Variants in BAZ2B observed in about 807,000 individuals in gnomAD.
The protein encoded by BAZ2B is bromodomain adjacent to zinc finger domain 2B, also known as bromodomain adjacent to zinc finger domain protein 2B.
In BAZ2B, 91 loss-of-function variants were observed where a neutral mutation model predicts 246.0. The observed-to-expected ratio is 0.37, with a 90% confidence interval of 0.31 to 0.44. BAZ2B has a LOEUF of 0.44. Among genes scored for constraint, BAZ2B ranks in the 20% least tolerant of loss-of-function variants. BAZ2B has a pLI of 1.00. For synonymous variants in BAZ2B, 855 were observed against 860.0 expected, an observed-to-expected ratio of 0.99 and a Z score of 0.10; for missense variants, 2,332 against 2,533.7, an observed-to-expected ratio of 0.92 and a Z score of 1.71.
intron 1 of BAZ2B, among the ~76,000 whole-genome samples, chr2:159,587,966 G>A (rs771691478): frequency 1.3e-4 from 20 of 152,178 alleles, no homozygotes; most frequent in Middle Eastern, 3.4e-3. Context: ...CAGTGTGAGC[G>A]TACCGCTTGA....
chr2:159,536,532 T>C (rs1472280110), intron 2 of BAZ2B, among the ~76,000 whole-genome samples: 1 of 152,206 alleles, frequency 6.6e-6, no homozygotes, highest in Non-Finnish European at 1.5e-5. Context: ...GATCAGAGTG[T>C]TCAATCCCTG....
intron 3 of BAZ2B, among the ~76,000 whole-genome samples, chr2:159,470,529 G>T (rs148307345): frequency 6.6e-6 from 1 of 152,292 alleles, no homozygotes; most frequent in Admixed American, 6.5e-5. Context: ...GTTCTGAGAG[G>T]AACAGATAAA....
At position 159,398,878 on chromosome 2, in the gene BAZ2B, T is replaced by C. The variant is rs763536132; in HGVS notation, c.2915A>G (p.Lys972Arg). The part of the protein sequence containing the change: ...QQILEAKKKK[K>R]EEAANAKLLE... ...TAATTTGGCATTTGCCGCTTCTTCC[T>C]TCTTTTTCTTTTTAGCCTGTGCATG... Residue 972 changes from lysine to arginine, a missense_variant, in exon 18 of 37, where the codon AAG (lysine) becomes AGG (arginine). By Grantham distance (26) the Lys-to-Arg change is conservative. Coordinates refer to ENST00000392783, the MANE Select transcript of BAZ2B (RefSeq NM_013450.4). 1.2e-5 allele frequency: 20 copies of C among 1,610,740 alleles called. No individual in the cohort carries two copies. In the African/African-American group the frequency reaches 2.5e-4, roughly 20 times the overall value.
At chr2:159,681,172 A>G in the BAZ2B span, among the ~76,000 whole-genome samples, 1 of 152,204 alleles carries the variant, frequency 6.6e-6, no homozygotes, top group Non-Finnish European at 1.5e-5. Flanking sequence ...AGAAAATCTT[A>G]TGGTAAAATT....
the BAZ2B span, among the ~76,000 whole-genome samples, chr2:159,707,672 C>A: frequency 6.6e-6 from 1 of 152,012 alleles, no homozygotes; most frequent in Non-Finnish European, 1.5e-5. Context: ...CTAAAAATTA[C>A]AAAAATTAGC....
At chr2:159,570,216 G>A (rs5006302) in intron 1 of BAZ2B, among the ~76,000 whole-genome samples, 81,514 of 148,744 alleles carry the variant, frequency 0.55, 23,108 homozygotes, top group East Asian at 0.73. Context: ...ACAGACTCTC[G>A]CTCTGTGGCC....
At chr2:159,607,325 T>C (rs1693736788) in intron 1 of BAZ2B, among the ~76,000 whole-genome samples, 1 of 152,150 alleles carries the variant, frequency 6.6e-6, no homozygotes, top group Admixed American at 6.5e-5. Flanking sequence ...TCAATGTTCT[T>C]AGCAGGGGGG....
chr2:159,452,404 C>G lies in BAZ2B; in HGVS notation c.334+1209G>C, dbSNP rs144079601. Among the ~76,000 whole-genome samples, 807 of 152,216 alleles carry G rather than the reference C, an allele frequency of 5.3e-3. 7 individuals are homozygous for G. The highest frequency in any genetic ancestry group is 0.018 in the African/African-American group (761 of 41,524). On this transcript the variant is annotated intron_variant, in intron 4 of 36. Coordinates refer to ENST00000392783, the MANE Select transcript of BAZ2B (RefSeq NM_013450.4). Reference sequence around the variant, plus strand: ...TAACTCCTTTAATCCTCACAAGAACCCTGTAAGTCAGATACTATTATTATG... The same window carrying G: ...TAACTCCTTTAATCCTCACAAGAACGCTGTAAGTCAGATACTATTATTATG...
chr2:159,559,675 A>C (rs2089619703), intron 1 of BAZ2B, among the ~76,000 whole-genome samples: 1 of 152,188 alleles, frequency 6.6e-6, no homozygotes, highest in South Asian at 2.1e-4. Flanking sequence ...TTGCAATTGC[A>C]TGAGGAAAAA....
chr2:159,317,568 T>C (rs1558911219), downstream of BAZ2B, among the ~76,000 whole-genome samples: 1 of 152,214 alleles, frequency 6.6e-6, no homozygotes, highest in African/African-American at 2.4e-5. Context: ...GTGGATTGTT[T>C]GGTTATCCTT....
intron 27 of BAZ2B, among the ~76,000 whole-genome samples, chr2:159,368,455 TAAGATA>T (rs2060459986): frequency 1.3e-5 from 2 of 152,298 alleles, no homozygotes; most frequent in African/African-American, 4.8e-5. Context: ...TAATTAGCTG[TAAGATA>T]AAGAGAAGGA....
chr2:159,572,784 A>G (rs576037015), intron 1 of BAZ2B, among the ~76,000 whole-genome samples: 1 of 152,338 alleles, frequency 6.6e-6, no homozygotes, highest in South Asian at 2.1e-4. Flanking sequence ...AAAACACTTA[A>G]GCCAACATCC....
At chr2:159,639,685 A>C in the BAZ2B span, among the ~76,000 whole-genome samples, 1 of 152,126 alleles carries the variant, frequency 6.6e-6, no homozygotes, top group Non-Finnish European at 1.5e-5. Context: ...CAGAAAACAT[A>C]CAATGGATGC....
At chr2:159,657,600 A>G in the BAZ2B span, among the ~76,000 whole-genome samples, 1 of 152,206 alleles carries the variant, frequency 6.6e-6, no homozygotes, top group Non-Finnish European at 1.5e-5. Context: ...TGTACATGGA[A>G]TATCTCACAA....
intron 2 of BAZ2B, among the ~76,000 whole-genome samples, chr2:159,554,679 TTAA>T (rs149341162): frequency 6.6e-6 from 1 of 152,234 alleles, no homozygotes; most frequent in Non-Finnish European, 1.5e-5. Context: ...GCTTCTGGAT[TTAA>T]TGAGTTAAAT....
At chr2:159,697,792 A>G in the BAZ2B span, among the ~76,000 whole-genome samples, 1 of 152,178 alleles carries the variant, frequency 6.6e-6, no homozygotes, top group Non-Finnish European at 1.5e-5. Flanking sequence ...TTTAATAAAG[A>G]CATTTCTTTA....
At chr2:159,545,292 G>A (rs977142995) in intron 2 of BAZ2B, among the ~76,000 whole-genome samples, 1 of 152,142 alleles carries the variant, frequency 6.6e-6, no homozygotes, top group African/African-American at 2.4e-5. Flanking sequence ...CTTGTTCCCT[G>A]AAGCACTCTG....
At chr2:159,540,676 T>C (rs1461167252) in intron 2 of BAZ2B, among the ~76,000 whole-genome samples, 2 of 152,226 alleles carry the variant, frequency 1.3e-5, no homozygotes, top group Admixed American at 6.5e-5. Context: ...TGAATCTTAG[T>C]TACAACCAGT....
At chr2:159,511,265 G>A (rs1038873472) in intron 2 of BAZ2B, among the ~76,000 whole-genome samples, 7 of 151,956 alleles carry the variant, frequency 4.6e-5, no homozygotes, top group African/African-American at 1.2e-4. Flanking sequence ...GTGCAATGGC[G>A]TGATCTCAGC....
Sources: gnomAD v4.1 joint callset for allele counts (sites outside exome capture counted in the v4.1 genomes callset) on GRCh38, gnomAD v4.1.1 for gene constraint, MANE v1.5 for transcripts, NCBI Gene and HGNC (gene_info 2026-07-23, HGNC 2026-07-21) for gene names.